The following CATSPER3 variants were observed in gnomAD, a reference collection of about 807,000 sequenced individuals.
CATSPER3 encodes the protein cation channel sperm associated 3.
CATSPER3 carries 23 observed loss-of-function variants against 36.6 expected under a neutral mutation model. The ratio of observed to expected loss-of-function variants is 0.63; its 90% CI spans 0.45 to 0.89. CATSPER3 has a LOEUF of 0.89. Ranked by LOEUF, CATSPER3 falls within the 40% of genes least tolerant of loss-of-function variation. The probability of loss-of-function intolerance (pLI) is 0.00; values close to 1 mark genes in which losing one functional copy is unlikely to be tolerated. For synonymous variants in CATSPER3, 172 were observed against 184.1 expected, an observed-to-expected ratio of 0.93 and a Z score of 0.53; for missense variants, 474 against 503.9, an observed-to-expected ratio of 0.94 and a Z score of 0.57.
chr5:135,011,645 G>A lies in CATSPER3; in HGVS notation c.*22G>A. The stretch of plus-strand genomic sequence containing the variant: ...GTAGCTGGGCATGGGGCACCCATGT[G>A]CCGAGAGCCTTGCAGACCATGACAG... On this transcript the variant is annotated 3_prime_UTR_variant, in exon 8 of 8. Transcript: ENST00000282611. 1 of 1,537,638 alleles carries A rather than the reference G, an allele frequency of 6.5e-7. No homozygotes were observed.
intron 2 of CATSPER3, 112 bp from the exon 3 acceptor site, chr5:134,996,161 T>G: frequency 7.4e-7 from 1 of 1,354,868 alleles, no homozygotes; most frequent in Non-Finnish European, 1.1e-6. Context: ...TGGGTTTCTC[T>G]CTCATGTGGG....
chr5:134,978,315 TATCAC>T (rs1452520421), intron 2 of CATSPER3, among the ~76,000 whole-genome samples: 1 of 152,230 alleles, frequency 6.6e-6, no homozygotes, highest in African/African-American at 2.4e-5. Flanking sequence ...TGAATGTTCT[TATCAC>T]AAAGAAATGG....
At chr5:135,004,127 C>T (rs1007424804) in intron 3 of CATSPER3, among the ~76,000 whole-genome samples, 1 of 152,184 alleles carries the variant, frequency 6.6e-6, no homozygotes, top group African/African-American at 2.4e-5. Flanking sequence ...AGAGGGGTCC[C>T]CCACCCGCAT....
intron 7 of CATSPER3, 137 bp downstream of exon 7, chr5:135,010,667 G>A: frequency 1.3e-6 from 1 of 798,104 alleles, no homozygotes. Context: ...GCTTTCTTGG[G>A]GTTACAGGAT....
At chr5:134,991,629 C>T (rs891021619) in intron 2 of CATSPER3, among the ~76,000 whole-genome samples, 2 of 152,088 alleles carry the variant, frequency 1.3e-5, no homozygotes, top group East Asian at 1.9e-4. Context: ...TACCTCACAC[C>T]GTGCACAAAA....
At chr5:135,007,849 G>A in intron 3 of CATSPER3, 108 bp from the exon 4 acceptor site, 1 of 557,816 alleles carries the variant, frequency 1.8e-6, no homozygotes, top group Non-Finnish European at 3.2e-6. Flanking sequence ...TGCCAGGCAT[G>A]GCAACAGTTG....
chr5:134,994,969 GCCT>G (rs1003957787), intron 2 of CATSPER3, among the ~76,000 whole-genome samples: 5 of 134,398 alleles, frequency 3.7e-5, no homozygotes, highest in African/African-American at 5.7e-5. Flanking sequence ...CTTCCTCTCT[GCCT>G]CCTTTCTTTC....
intron 2 of CATSPER3, among the ~76,000 whole-genome samples, chr5:134,993,303 G>A (rs774888689): frequency 3.9e-5 from 6 of 152,178 alleles, no homozygotes; most frequent in Non-Finnish European, 7.4e-5. Context: ...TAGGGTTGCG[G>A]GGAGAGGGGA....
chr5:135,002,956 C>G (rs1348443593), intron 3 of CATSPER3, among the ~76,000 whole-genome samples: 4 of 152,212 alleles, frequency 2.6e-5, no homozygotes, highest in Non-Finnish European at 5.9e-5. Context: ...CTCAACTCAT[C>G]AAAGTCATTC....
At position 134,970,000 on chromosome 5, in the gene CATSPER3, A is replaced by G. The variant is rs753014864; in HGVS notation, c.160A>G (p.Ile54Val). The G allele has an allele frequency of 3.1e-6, 5 of 1,614,082 alleles. No homozygotes were observed. The highest frequency in any genetic ancestry group is 3.4e-6 in the Non-Finnish European group (4 of 1,179,962). ...AGTCATAATGAGCCGTTTCTTTAAG[A>G]TAATTATGATTAGCACTGTCACATC... ...KRVIMSRFFK[I>V]IMISTVTSNA... The change falls in exon 2 of 8, where the codon ATA (isoleucine) becomes GTA (valine). Residue 54 changes from isoleucine to valine, a missense_variant. Coordinates refer to ENST00000282611, the MANE Select transcript of CATSPER3 (RefSeq NM_178019.3).
intron 5 of CATSPER3, 59 bp from the exon 6 acceptor site, chr5:135,009,312 G>T (rs1752146392): frequency 6.3e-7 from 1 of 1,579,634 alleles, no homozygotes; most frequent in South Asian, 1.1e-5. Context: ...GAAGAGGAAA[G>T]ACTGGGTCTG....
intron 1 of CATSPER3, 65 bp from the exon 2 acceptor site, chr5:134,969,874 A>G (rs1011056961): frequency 7.2e-6 from 11 of 1,522,460 alleles, no homozygotes; most frequent in African/African-American, 1.4e-5. Flanking sequence ...ACAAAAAGGT[A>G]TGCATTTTAT....
At position 134,968,295 on chromosome 5, in the gene CATSPER3, T is replaced by G. The variant is rs556007230; in HGVS notation, c.98+206T>G. On this transcript the variant is annotated intron_variant, in intron 1 of 7. Transcript: ENST00000282611. ...GCCCTGTAGACTTGAATGACCAGTT[T>G]GACCAGTTTGACTGTTAGATAATCT... The G allele has an allele frequency of 3.4e-5, 19 of 563,600 alleles. 1 individual carries two copies. The highest frequency in any genetic ancestry group is 6.1e-5 in the Non-Finnish European group (19 of 313,684). The allele number at this position is 563,600 out of a possible 1,614,324, so 34.9% of individuals were successfully genotyped here. A position where few individuals can be genotyped will look rare whatever the true frequency, so the allele number is the denominator to read the frequency against.
intron 3 of CATSPER3, among the ~76,000 whole-genome samples, chr5:135,007,278 C>T (rs1752100573): frequency 1.3e-5 from 2 of 152,186 alleles, no homozygotes. Context: ...ACCTACCTAC[C>T]TTGAGGTTAT....
intron 7 of CATSPER3, 78 bp downstream of exon 7, chr5:135,010,608 A>C: frequency 2.2e-6 from 3 of 1,340,490 alleles, no homozygotes; most frequent in Non-Finnish European, 3.2e-6. Flanking sequence ...TGGGAGAGTG[A>C]AGGGGGTGAT....
Position 134,997,224 on chromosome 5 carries a change from C to T in CATSPER3, c.492+712C>T, listed in dbSNP as rs74619887. ...TGTCGTCCTGTCCTGCCGGAGGCTG[C>T]CCCTCGCCTGGGCTTGGGTGGCTGG... On this transcript the variant is annotated intron_variant, in intron 3 of 7. Transcript: ENST00000282611. Among the ~76,000 whole-genome samples the T allele has an allele frequency of 1.5e-3, 226 of 152,336 alleles. 1 individual carries two copies. The East Asian group carries it at 0.024, about 16-fold the overall frequency.
chr5:134,967,933 T>A lies in CATSPER3; in HGVS notation c.-59T>A. The A allele has an allele frequency of 1.5e-6, 2 of 1,315,954 alleles. No individual in the cohort carries two copies. Among genetic ancestry groups the A allele is most frequent in the East Asian group, 2.3e-5 (1 of 43,266 alleles). The allele number at this position is 1,315,954 out of a possible 1,614,324, so 81.5% of individuals were successfully genotyped here. A position where few individuals can be genotyped will look rare whatever the true frequency, so the allele number is the denominator to read the frequency against. ...GAATCCAGACGCTAAGGAAAATCCC[T>A]AAGCAGAGATTTTCTGTTGGATGCT... is the stretch of plus-strand genomic sequence containing the variant. On this transcript the variant is annotated 5_prime_UTR_variant, in exon 1 of 8. Transcript: ENST00000282611.
intron 2 of CATSPER3, among the ~76,000 whole-genome samples, chr5:134,971,488 A>G (rs1751606656): frequency 6.6e-6 from 1 of 152,172 alleles, no homozygotes; most frequent in South Asian, 2.1e-4. Context: ...AGCATTTACA[A>G]CAAAACTGGT....
chr5:134,977,371 G>GAAATT (rs1751686596), intron 2 of CATSPER3, among the ~76,000 whole-genome samples: 1 of 152,122 alleles, frequency 6.6e-6, no homozygotes, highest in South Asian at 2.1e-4. Flanking sequence ...GATTCCCTAA[G>GAAATT]TCATCACTCT....
Sources: gnomAD v4.1 joint callset for allele counts (sites outside exome capture counted in the v4.1 genomes callset) on GRCh38, gnomAD v4.1.1 for gene constraint, MANE v1.5 for transcripts, NCBI Gene and HGNC (gene_info 2026-07-23, HGNC 2026-07-21) for gene names.